The following PRKG1 variants were observed in gnomAD, a reference collection of about 807,000 sequenced individuals.
The protein encoded by PRKG1 is cGMP-dependent protein kinase 1.
A neutral mutation model predicts 88.1 loss-of-function variants in PRKG1; 35 were observed. The ratio of observed to expected loss-of-function variants is 0.40; its 90% CI spans 0.30 to 0.53. PRKG1 has a LOEUF of 0.53. Among genes scored for constraint, PRKG1 ranks in the 20% least tolerant of loss-of-function variants. PRKG1 has a pLI of 0.59. For synonymous variants in PRKG1, 303 were observed against 292.5 expected, an observed-to-expected ratio of 1.04 and a Z score of -0.37; for missense variants, 540 against 839.8, an observed-to-expected ratio of 0.64 and a Z score of 4.41.
At chr10:51,516,334 C>T (rs1170701151) in intron 3 of PRKG1, among the ~76,000 whole-genome samples, 1 of 152,054 alleles carries the variant, frequency 6.6e-6, no homozygotes, top group African/African-American at 2.4e-5. Flanking sequence ...AATGTCTAGC[C>T]ATTTCTCCTC....
chr10:51,715,741 G>A (rs1412742567), intron 3 of PRKG1, among the ~76,000 whole-genome samples: 2 of 152,032 alleles, frequency 1.3e-5, no homozygotes, highest in Non-Finnish European at 2.9e-5. Flanking sequence ...ATATCTAAGG[G>A]GATGATGTAA....
chr10:51,175,813 C>G (rs1837176792), intron 2 of PRKG1, among the ~76,000 whole-genome samples: 1 of 152,056 alleles, frequency 6.6e-6, no homozygotes, highest in Admixed American at 6.6e-5. Context: ...TGATGATGGC[C>G]AGCAATCTGT....
intron 2 of PRKG1, among the ~76,000 whole-genome samples, chr10:51,412,199 G>A (rs1838109142): frequency 8.9e-6 from 1 of 111,902 alleles, no homozygotes; most frequent in Non-Finnish European, 1.9e-5. Flanking sequence ...GAGAGAGAGA[G>A]AGAGAGAGAG....
chr10:51,085,609 T>G (rs948911708), intron 1 of PRKG1, among the ~76,000 whole-genome samples: 1 of 145,334 alleles, frequency 6.9e-6, no homozygotes, highest in Non-Finnish European at 1.5e-5. Flanking sequence ...AAGAGTAGTG[T>G]TTTTTTTTTG....
intron 3 of PRKG1, among the ~76,000 whole-genome samples, chr10:51,693,748 AT>A (rs1393973604): frequency 3.3e-5 from 5 of 152,172 alleles, no homozygotes; most frequent in Non-Finnish European, 5.9e-5. Flanking sequence ...ATGACATGTT[AT>A]ATATTGTTGT....
intron 8 of PRKG1, among the ~76,000 whole-genome samples, chr10:52,143,498 A>AGTCATTACTTTCTGGATC (rs1837642167): frequency 6.6e-6 from 1 of 152,066 alleles, no homozygotes; most frequent in Non-Finnish European, 1.5e-5. Context: ...TAGGAAGGAT[A>AGTCATTACTTTCTGGATC]TAGTCATTAC....
intron 1 of PRKG1, among the ~76,000 whole-genome samples, chr10:51,061,901 T>G (rs1238523785): frequency 6.6e-6 from 1 of 152,236 alleles, no homozygotes; most frequent in African/African-American, 2.4e-5. Context: ...TAAAGCCCAT[T>G]TCTGATAATT....
At chr10:51,416,487 A>C (rs992910195) in intron 2 of PRKG1, among the ~76,000 whole-genome samples, 1 of 152,216 alleles carries the variant, frequency 6.6e-6, no homozygotes, top group Non-Finnish European at 1.5e-5. Context: ...ATGGTTTGTC[A>C]TTACAAAGAT....
At chr10:51,186,166 G>A (rs1837480843) in intron 2 of PRKG1, among the ~76,000 whole-genome samples, 1 of 151,440 alleles carries the variant, frequency 6.6e-6, no homozygotes, top group East Asian at 1.9e-4. Flanking sequence ...TTTTCTGGTT[G>A]TCTTCCAGGA....
chr10:51,191,901 A>G (rs1304909324), intron 2 of PRKG1, among the ~76,000 whole-genome samples: 1 of 151,806 alleles, frequency 6.6e-6, no homozygotes, highest in East Asian at 1.9e-4. Flanking sequence ...CTACTTTAAT[A>G]CAAAATGAAC....
At chr10:51,835,827 T>C (rs1433882637) in intron 4 of PRKG1, among the ~76,000 whole-genome samples, 1 of 152,184 alleles carries the variant, frequency 6.6e-6, no homozygotes, top group Non-Finnish European at 1.5e-5. Context: ...TTTTCTATGA[T>C]GGATATAGTA....
chr10:52,155,794 TTATTA>T (rs1015242282), intron 8 of PRKG1, among the ~76,000 whole-genome samples: 3 of 150,778 alleles, frequency 2.0e-5, no homozygotes, highest in Admixed American at 6.6e-5. Flanking sequence ...TTTCATTTGA[TTATTA>T]TAATAAGCCT....
At chr10:51,471,082 G>T (rs1025108209) in intron 3 of PRKG1, among the ~76,000 whole-genome samples, 12 of 151,752 alleles carry the variant, frequency 7.9e-5, no homozygotes, top group African/African-American at 2.7e-4. Flanking sequence ...TTTTCCCTGA[G>T]GAATGAAGAA....
chr10:52,115,959 C>T (rs1324257523), intron 7 of PRKG1, among the ~76,000 whole-genome samples: 1 of 151,978 alleles, frequency 6.6e-6, no homozygotes, highest in Non-Finnish European at 1.5e-5. Flanking sequence ...TCAGGCAGCG[C>T]CCTGAACCAG....
intron 1 of PRKG1, among the ~76,000 whole-genome samples, chr10:51,104,697 AT>A (rs3060161): frequency 3.8e-5 from 4 of 106,546 alleles, no homozygotes; most frequent in Non-Finnish European, 5.9e-5. Flanking sequence ...TTTTATTTTT[AT>A]TTTATTTATT....
intron 1 of PRKG1, among the ~76,000 whole-genome samples, chr10:51,065,362 G>A (rs1589129868): frequency 6.6e-6 from 1 of 151,998 alleles, no homozygotes; most frequent in South Asian, 2.1e-4. Flanking sequence ...TGCATTGAGA[G>A]AGTTGAAAAA....
Position 51,346,759 on chromosome 10 carries a change from A to G in PRKG1, c.479-120964A>G, listed in dbSNP as rs142194046. On this transcript the variant is annotated intron_variant, in intron 2 of 17. Coordinates refer to ENST00000373980, the MANE Select transcript of PRKG1 (RefSeq NM_006258.4). ...ATCTGCAAAGCATATTTGATGTTAG[A>G]TAATACTTTCCAATTATAATGACAT... is the stretch of plus-strand genomic sequence containing the variant. Among the ~76,000 whole-genome samples, 79 of 152,336 alleles carry G rather than the reference A, an allele frequency of 5.2e-4. 2 individuals carry two copies. In the East Asian group the frequency reaches 0.014, roughly 27 times the overall value.
chr10:51,412,213 GAAAGAA>G (rs140791099), intron 2 of PRKG1, among the ~76,000 whole-genome samples: 3,923 of 121,644 alleles, frequency 0.032, 69 homozygotes, highest in South Asian at 0.05. Context: ...GAGAGAGAGA[GAAAGAA>G]AGAGAGAAAG....
chr10:51,640,849 GAATAAA>G (rs5784879), intron 3 of PRKG1, among the ~76,000 whole-genome samples: 37,682 of 151,834 alleles, frequency 0.25, 5,118 homozygotes, highest in Non-Finnish European at 0.31. Flanking sequence ...TGTTTGGTCA[GAATAAA>G]AGACATGACT....
Sources: allele counts gnomAD v4.1 joint callset (sites outside exome capture counted in the v4.1 genomes callset), GRCh38; gene constraint gnomAD v4.1.1; transcripts MANE v1.5; gene names NCBI Gene and HGNC (gene_info 2026-07-23, HGNC 2026-07-21).